Variants in HNF4G observed in about 807,000 individuals in gnomAD.
The protein encoded by HNF4G is hepatocyte nuclear factor 4-gamma.
HNF4G carries 21 observed loss-of-function variants against 50.9 expected under a neutral mutation model. The ratio of observed to expected loss-of-function variants is 0.41; its 90% CI spans 0.29 to 0.59. HNF4G has a LOEUF of 0.59. HNF4G is among the 20% of genes least tolerant of loss of function. HNF4G has a pLI of 0.26. For missense variants in HNF4G, 527 were observed against 559.4 expected, an observed-to-expected ratio of 0.94 and a Z score of 0.58; for synonymous variants, 198 against 185.6, an observed-to-expected ratio of 1.07 and a Z score of -0.54.
At position 75,539,966 on chromosome 8, in the gene HNF4G, A is replaced by G; in HGVS notation, c.4A>G (p.Met2Val). ...TTGTATGTGTGTTTCTAAATCAATGATGAGGGTATCAGAACCAATACTGGA... is the reference window on the plus strand; with the variant it reads ...TTGTATGTGTGTTTCTAAATCAATGGTGAGGGTATCAGAACCAATACTGGA... M[M>V]RVSEPILDMD... The change falls in exon 1 of 10, where the codon ATG (methionine) becomes GTG (valine). Residue 2 changes from methionine (M) to valine (V), a missense_variant. Coordinates refer to ENST00000396423, the MANE Select transcript of HNF4G (RefSeq NM_004133.5). 1 of 1,351,202 alleles carries G rather than the reference A, an allele frequency of 7.4e-7. No homozygotes were observed. Among genetic ancestry groups the G allele is most frequent in the Non-Finnish European group, 1.1e-6 (1 of 941,566 alleles). The allele number at this position is 1,351,202 out of a possible 1,614,324, so 83.7% of individuals were successfully genotyped here.
intron 1 of HNF4G, among the ~76,000 whole-genome samples, chr8:75,467,425 G>T (rs145761966): frequency 3.9e-5 from 6 of 152,186 alleles, no homozygotes; most frequent in Admixed American, 1.3e-4. Flanking sequence ...ACTTTGGGAG[G>T]CTGAGGCAGG....
intron 1 of HNF4G, among the ~76,000 whole-genome samples, chr8:75,453,497 C>T (rs1811636427): frequency 7.2e-6 from 1 of 138,488 alleles, no homozygotes. Flanking sequence ...AAGCTGGCCA[C>T]CCCCCTGCCC....
At chr8:75,498,269 T>C (rs1358376334) in intron 2 of HNF4G, among the ~76,000 whole-genome samples, 2 of 152,132 alleles carry the variant, frequency 1.3e-5, no homozygotes, top group Non-Finnish European at 2.9e-5. Flanking sequence ...GAAAGTCCAC[T>C]AGGAACAGTA....
chr8:75,541,329 T>C (rs1298308440), intron 1 of HNF4G, among the ~76,000 whole-genome samples: 1 of 152,164 alleles, frequency 6.6e-6, no homozygotes, highest in Non-Finnish European at 1.5e-5. Context: ...TATGTAAGTA[T>C]GGCACTAAAC....
Position 75,440,754 on chromosome 8 carries a change from T to A in HNF4G, c.-144+32592T>A, listed in dbSNP as rs192330387. 3.3e-4 allele frequency among the ~76,000 whole-genome samples: 50 copies of A among 152,312 alleles called. 1 individual carries two copies. In the East Asian group the frequency reaches 9.4e-3, roughly 29 times the overall value. On this transcript the variant is annotated intron_variant, in intron 1 of 10. Coordinates refer to the HNF4G transcript ENST00000354370. ...GCTAATAATGTTAAATTATAAATTT[T>A]AAAAGTAGGCTTAATTTTAAATTAA...
At position 75,556,057 on chromosome 8, in the gene HNF4G, A is replaced by G. The variant is rs1327308886; in HGVS notation, c.721A>G (p.Ile241Val). The change falls in exon 6 of 10, where the codon ATT (isoleucine) becomes GTT (valine). Residue 241 changes from isoleucine (I) to valine (V), a missense_variant. This residue lies in a region of HNF4G where 308 missense variants were observed against 301.5 expected (regional missense o/e 1.02). Transcript: ENST00000396423. The stretch of plus-strand genomic sequence containing the variant: ...AAAGAGATCCATGATGTATAAAGAT[A>G]TTTTGCTTTTGGGTAAGTTTTTTTT... ...ATKRSMMYKD[I>V]LLLGNNYVIH... is the part of the protein sequence containing the mutation. The G allele has an allele frequency of 5.9e-6, 9 of 1,536,690 alleles. No homozygotes were observed. Among genetic ancestry groups the G allele is most frequent in the Non-Finnish European group, 7.9e-6 (9 of 1,146,286 alleles).
intron 2 of HNF4G, among the ~76,000 whole-genome samples, chr8:75,508,302 A>G (rs1805653433): frequency 6.6e-6 from 1 of 151,962 alleles, no homozygotes; most frequent in African/African-American, 2.4e-5. Flanking sequence ...ACAATTTGCT[A>G]ATCTTATAAT....
intron 1 of HNF4G, among the ~76,000 whole-genome samples, chr8:75,458,590 C>G (rs1477705505): frequency 6.6e-6 from 1 of 151,994 alleles, no homozygotes; most frequent in Non-Finnish European, 1.5e-5. Flanking sequence ...TTCCTACTAT[C>G]CCCTAAGTTT....
intron 2 of HNF4G, among the ~76,000 whole-genome samples, chr8:75,546,802 T>A (rs1379874940): frequency 6.6e-6 from 1 of 152,190 alleles, no homozygotes. Flanking sequence ...TCTCCACTTT[T>A]GGGCTATGAT....
At chr8:75,544,406 A>T (rs2977932) in intron 2 of HNF4G, among the ~76,000 whole-genome samples, 100,991 of 152,032 alleles carry the variant, frequency 0.66, 35,399 homozygotes, top group African/African-American at 0.9. Flanking sequence ...TTTTTTAATA[A>T]GAGTATTTTT....
chr8:75,447,777 G>C (rs1370748271), intron 1 of HNF4G, among the ~76,000 whole-genome samples: 2 of 132,062 alleles, frequency 1.5e-5, no homozygotes, highest in Admixed American at 7.9e-5. Context: ...AAAAAGTCAG[G>C]AAACAACAGG....
chr8:75,485,587 A>G, intron 1 of HNF4G, among the ~76,000 whole-genome samples: 1 of 152,148 alleles, frequency 6.6e-6, no homozygotes, highest in South Asian at 2.1e-4. Context: ...TTTTCCTATC[A>G]CTAATACTGA....
At chr8:75,538,313 G>A (rs181605213), upstream of HNF4G, among the ~76,000 whole-genome samples, 18 of 152,252 alleles carry the variant, frequency 1.2e-4, no homozygotes, top group South Asian at 1.0e-3. Context: ...ACTGTCACCC[G>A]CGGGAACAGA....
intron 1 of HNF4G, among the ~76,000 whole-genome samples, chr8:75,488,684 TG>T (rs993087495): frequency 4.6e-5 from 7 of 152,180 alleles, no homozygotes; most frequent in African/African-American, 1.7e-4. Context: ...ATTTTACAGA[TG>T]AGAGAACTGC....
intron 1 of HNF4G, among the ~76,000 whole-genome samples, chr8:75,468,480 G>A (rs1468052609): frequency 2.6e-5 from 4 of 152,228 alleles, no homozygotes; most frequent in South Asian, 4.1e-4. Flanking sequence ...TGGATCATGA[G>A]GTCAGGAGTT....
At chr8:75,429,601 T>C (rs1461271190) in intron 1 of HNF4G, among the ~76,000 whole-genome samples, 2 of 152,198 alleles carry the variant, frequency 1.3e-5, no homozygotes, top group East Asian at 3.8e-4. Context: ...ATGAAGCTGG[T>C]AGTATCTAAT....
chr8:75,561,324 A>G (rs992964308), intron 9 of HNF4G, among the ~76,000 whole-genome samples: 1 of 152,144 alleles, frequency 6.6e-6, no homozygotes, highest in Non-Finnish European at 1.5e-5. Context: ...CAACATTCCC[A>G]TGGTCAGCTA....
At chr8:75,543,688 C>A in intron 1 of HNF4G, 123 bp from the exon 2 acceptor site, 1 of 698,070 alleles carries the variant, frequency 1.4e-6, no homozygotes, top group Non-Finnish European at 2.3e-6. Flanking sequence ...AAAAGGAAAG[C>A]ACCAGTGTGG....
At chr8:75,469,645 C>A (rs1812068932) in intron 1 of HNF4G, among the ~76,000 whole-genome samples, 1 of 152,164 alleles carries the variant, frequency 6.6e-6, no homozygotes, top group Non-Finnish European at 1.5e-5. Flanking sequence ...GATAAGTAAT[C>A]TACAGACAGT....
Sources: allele counts gnomAD v4.1 joint callset (sites outside exome capture counted in the v4.1 genomes callset), GRCh38; gene constraint gnomAD v4.1.1; regional missense constraint gnomAD v4.1.1; transcripts MANE v1.5; gene names NCBI Gene and HGNC (gene_info 2026-07-23, HGNC 2026-07-21).